The following LRRTM4 variants were observed in gnomAD, a reference collection of about 807,000 sequenced individuals.
LRRTM4 encodes the protein leucine-rich repeat transmembrane neuronal protein 4.
Under a neutral mutation model 47.6 loss-of-function variants are expected in LRRTM4, and 25 were observed. The ratio of observed to expected loss-of-function variants is 0.53; its 90% CI spans 0.38 to 0.73. The LOEUF (loss-of-function observed/expected upper bound fraction) is 0.73, where lower values mean the gene tolerates loss of function less well. Ranked by LOEUF, LRRTM4 falls within the 30% of genes least tolerant of loss-of-function variation. LRRTM4 has a pLI of 0.00. For missense variants in LRRTM4, 638 were observed against 713.4 expected, an observed-to-expected ratio of 0.89 and a Z score of 1.20; for synonymous variants, 311 against 269.5, an observed-to-expected ratio of 1.15 and a Z score of -1.51.
At chr2:76,875,838 A>G (rs1259926388) in intron 3 of LRRTM4, among the ~76,000 whole-genome samples, 2 of 152,102 alleles carry the variant, frequency 1.3e-5, no homozygotes, top group African/African-American at 2.4e-5. Flanking sequence ...AAAGGCATCA[A>G]TGTGTTGTGG....
At chr2:76,833,310 T>G (rs759316675) in intron 3 of LRRTM4, among the ~76,000 whole-genome samples, 1 of 152,136 alleles carries the variant, frequency 6.6e-6, no homozygotes, top group Admixed American at 6.6e-5. Flanking sequence ...AACTCCGTGA[T>G]TGTAAATATG....
chr2:77,268,588 C>A (rs1434447442), intron 3 of LRRTM4, among the ~76,000 whole-genome samples: 1 of 152,134 alleles, frequency 6.6e-6, no homozygotes, highest in African/African-American at 2.4e-5. Flanking sequence ...TTTTAAATTA[C>A]AGATGTGATC....
chr2:76,953,279 A>G (rs1250772901), intron 3 of LRRTM4, among the ~76,000 whole-genome samples: 2 of 151,982 alleles, frequency 1.3e-5, no homozygotes, highest in Non-Finnish European at 2.9e-5. Context: ...CCCCACAGGA[A>G]CACTGATCTA....
At chr2:77,141,313 C>G (rs1347721216) in intron 3 of LRRTM4, among the ~76,000 whole-genome samples, 1 of 152,096 alleles carries the variant, frequency 6.6e-6, no homozygotes, top group Non-Finnish European at 1.5e-5. Flanking sequence ...GAGTTCGTGT[C>G]CTCTGTAGGG....
intron 3 of LRRTM4, among the ~76,000 whole-genome samples, chr2:77,243,946 G>A (rs891264721): frequency 7.7e-6 from 1 of 129,362 alleles, no homozygotes. Context: ...ACAGTCCCCA[G>A]AGTGTGATAT....
At chr2:76,754,363 C>T (rs527770365) in intron 3 of LRRTM4, among the ~76,000 whole-genome samples, 1 of 151,844 alleles carries the variant, frequency 6.6e-6, no homozygotes, top group East Asian at 1.9e-4. Flanking sequence ...AGAACCTCAA[C>T]TCATTTAACT....
In LRRTM4 at chr2:77,095,537, G is replaced by A. The variant is rs550905399; in HGVS notation, c.1552-346621C>T. 1.7e-4 allele frequency among the ~76,000 whole-genome samples: 24 copies of A among 144,344 alleles called. No homozygotes were observed. In the South Asian group the frequency reaches 2.2e-3, roughly 13 times the overall value. The allele number at this position is 144,344 out of a possible 152,430, so 94.7% of individuals were successfully genotyped here. On this transcript the variant is annotated intron_variant, in intron 3 of 3. Coordinates refer to ENST00000409884, the MANE Select transcript of LRRTM4 (RefSeq NM_001134745.3). ...TTTTTTTTTTTTTAGACAGAGTCTC[G>A]CTCTGTCTCCCAGGCTGGAGTACAG... is the stretch of plus-strand genomic sequence containing the variant.
intron 3 of LRRTM4, among the ~76,000 whole-genome samples, chr2:77,355,593 A>T (rs1321151150): frequency 6.6e-6 from 1 of 152,222 alleles, no homozygotes; most frequent in East Asian, 1.9e-4. Context: ...TGTTTTTCTC[A>T]GTATCAAAAT....
intron 3 of LRRTM4, among the ~76,000 whole-genome samples, chr2:76,867,361 A>T (rs1232412358): frequency 6.6e-6 from 1 of 152,162 alleles, no homozygotes; most frequent in Non-Finnish European, 1.5e-5. Flanking sequence ...AAGTTTCTAG[A>T]TCATGTTTGT....
At chr2:76,923,014 TAG>T (rs1416626433) in intron 3 of LRRTM4, among the ~76,000 whole-genome samples, 1 of 152,108 alleles carries the variant, frequency 6.6e-6, no homozygotes, top group Non-Finnish European at 1.5e-5. Flanking sequence ...GCAAACACAA[TAG>T]AGTTATGTAC....
At chr2:76,816,550 ATTTATTT>A (rs1054110851) in intron 3 of LRRTM4, among the ~76,000 whole-genome samples, 9 of 151,946 alleles carry the variant, frequency 5.9e-5, no homozygotes, top group African/African-American at 1.7e-4. Flanking sequence ...CTGTATTTTT[ATTTATTT>A]TTTATTTTTT....
chr2:76,930,689 T>A (rs1674742364), intron 3 of LRRTM4, among the ~76,000 whole-genome samples: 2 of 152,128 alleles, frequency 1.3e-5, no homozygotes, highest in South Asian at 4.1e-4. Flanking sequence ...GGATGTGGAA[T>A]CAGAGGGCCA....
chr2:77,187,691 C>T (rs1673550409), intron 3 of LRRTM4, among the ~76,000 whole-genome samples: 1 of 151,974 alleles, frequency 6.6e-6, no homozygotes. Flanking sequence ...TAAACAGTTC[C>T]TTATTTTTTA....
Position 77,066,830 on chromosome 2 carries a change from T to G in LRRTM4, c.1552-317914A>C, listed in dbSNP as rs566297812. Among the ~76,000 whole-genome samples, 38 of 152,362 alleles carry G rather than the reference T, an allele frequency of 2.5e-4. No individual in the cohort carries two copies. The South Asian group carries it at 7.7e-3, about 31-fold the overall frequency. ...TGACATTTGGTTGAATTTGGAAGAATGACTAATTTACTCAAACCAGTATGT... is the reference window on the plus strand; with the variant it reads ...TGACATTTGGTTGAATTTGGAAGAAGGACTAATTTACTCAAACCAGTATGT... On this transcript the variant is annotated intron_variant, in intron 3 of 3. Transcript: ENST00000409884.
At chr2:76,818,487 G>A (rs1049930603) in intron 3 of LRRTM4, among the ~76,000 whole-genome samples, 1 of 151,828 alleles carries the variant, frequency 6.6e-6, no homozygotes, top group African/African-American at 2.4e-5. Flanking sequence ...TCCTCCTGGA[G>A]TGAGCAAATG....
At chr2:77,435,807 C>G (rs1275391720) in intron 3 of LRRTM4, among the ~76,000 whole-genome samples, 2 of 152,104 alleles carry the variant, frequency 1.3e-5, no homozygotes, top group African/African-American at 4.8e-5. Flanking sequence ...GACACAAAAC[C>G]TTCATATAGC....
At chr2:77,120,695 T>C (rs1671500846) in intron 3 of LRRTM4, among the ~76,000 whole-genome samples, 1 of 151,820 alleles carries the variant, frequency 6.6e-6, no homozygotes, top group South Asian at 2.1e-4. Flanking sequence ...TTGACAGTGC[T>C]GAAAATACAT....
intron 3 of LRRTM4, among the ~76,000 whole-genome samples, chr2:76,825,158 G>C (rs917807472): frequency 4.0e-5 from 6 of 151,566 alleles, no homozygotes; most frequent in Non-Finnish European, 8.9e-5. Flanking sequence ...ATTAAAGTTA[G>C]AATGGAAGGA....
intron 3 of LRRTM4, among the ~76,000 whole-genome samples, chr2:76,837,856 C>T (rs1031624766): frequency 3.3e-5 from 5 of 151,236 alleles, no homozygotes; most frequent in South Asian, 2.1e-4. Context: ...AAACACCGCA[C>T]GTTCTCACTC....
Sources: allele counts gnomAD v4.1 joint callset (sites outside exome capture counted in the v4.1 genomes callset), GRCh38; gene constraint gnomAD v4.1.1; transcripts MANE v1.5; gene names NCBI Gene and HGNC (gene_info 2026-07-23, HGNC 2026-07-21).